The following NKAIN2 variants were observed in gnomAD, a reference collection of about 807,000 sequenced individuals.
NKAIN2 encodes the protein sodium/potassium-transporting ATPase subunit beta-1-interacting protein 2.
NKAIN2 carries 14 observed loss-of-function variants against 32.6 expected under a neutral mutation model. The observed-to-expected ratio is 0.43, with a 90% confidence interval of 0.28 to 0.67. NKAIN2 has a LOEUF of 0.67. NKAIN2 is among the 30% of genes least tolerant of loss of function. The pLI, the probability that NKAIN2 is intolerant of heterozygous loss-of-function variation, is 0.17. For synonymous variants in NKAIN2, 80 were observed against 87.2 expected, an observed-to-expected ratio of 0.92 and a Z score of 0.46; for missense variants, 198 against 258.3, an observed-to-expected ratio of 0.77 and a Z score of 1.60.
At chr6:124,039,989 C>A (rs1303129512) in intron 1 of NKAIN2, among the ~76,000 whole-genome samples, 1 of 151,946 alleles carries the variant, frequency 6.6e-6, no homozygotes, top group Non-Finnish European at 1.5e-5. Flanking sequence ...CCACCCTCAA[C>A]ACTTAACACA....
chr6:124,616,437 CTTTTTTTTTTTTTTTTTTTTTTTTTTTT>C (rs79406895), intron 3 of NKAIN2, among the ~76,000 whole-genome samples: 16 of 70,460 alleles, frequency 2.3e-4, no homozygotes, highest in African/African-American at 1.1e-3. Context: ...TCTTTTCTTT[CTTTTTTTTTTTTTTTTTTTTTTTTTTTT>C]TTTTTTTTTT....
intron 3 of NKAIN2, among the ~76,000 whole-genome samples, chr6:124,599,224 GA>G (rs1317933097): frequency 6.7e-6 from 1 of 149,954 alleles, no homozygotes; most frequent in East Asian, 1.9e-4. Flanking sequence ...TTTCAATGTA[GA>G]TAATACTGAA....
At chr6:124,692,363 T>C (rs1774297042) in intron 4 of NKAIN2, among the ~76,000 whole-genome samples, 1 of 152,180 alleles carries the variant, frequency 6.6e-6, no homozygotes, top group Non-Finnish European at 1.5e-5. Flanking sequence ...AAAAACACTA[T>C]TTCTCACCCT....
intron 3 of NKAIN2, among the ~76,000 whole-genome samples, chr6:124,546,831 G>A (rs570253149): frequency 2.5e-4 from 38 of 152,096 alleles, no homozygotes; most frequent in Non-Finnish European, 4.6e-4. Context: ...AAGTGATAGT[G>A]AATAGGAGAA....
chr6:123,896,447 G>A (rs543624958), intron 1 of NKAIN2, among the ~76,000 whole-genome samples: 59 of 152,178 alleles, frequency 3.9e-4, no homozygotes, highest in Middle Eastern at 3.4e-3. Flanking sequence ...AAATGAGATA[G>A]CCTTAGGTAG....
At chr6:124,557,708 C>G (rs558258709) in intron 3 of NKAIN2, among the ~76,000 whole-genome samples, 2 of 152,280 alleles carry the variant, frequency 1.3e-5, no homozygotes, top group South Asian at 4.1e-4. Flanking sequence ...TGAGGTCAGA[C>G]AGAAAGCATA....
At chr6:124,488,529 C>T (rs1404706292) in intron 3 of NKAIN2, among the ~76,000 whole-genome samples, 1 of 152,022 alleles carries the variant, frequency 6.6e-6, no homozygotes, top group Admixed American at 6.6e-5. Flanking sequence ...TCACAAATCC[C>T]TTGCCTTATC....
At chr6:124,249,426 T>C (rs1264880453) in intron 1 of NKAIN2, among the ~76,000 whole-genome samples, 1 of 152,064 alleles carries the variant, frequency 6.6e-6, no homozygotes, top group African/African-American at 2.4e-5. Context: ...ATGAATCACA[T>C]TGAATTAAAT....
intron 1 of NKAIN2, among the ~76,000 whole-genome samples, chr6:123,867,891 C>T (rs1263964151): frequency 2.2e-5 from 3 of 134,972 alleles, no homozygotes; most frequent in African/African-American, 8.4e-5. Flanking sequence ...TTGTTTCAGA[C>T]AGAGTCTTGC....
intron 1 of NKAIN2, among the ~76,000 whole-genome samples, chr6:124,146,333 T>C (rs1322937110): frequency 1.3e-5 from 2 of 152,240 alleles, no homozygotes; most frequent in Non-Finnish European, 1.5e-5. Context: ...AACTTAGTCA[T>C]TAAGTAAATT....
intron 1 of NKAIN2, among the ~76,000 whole-genome samples, chr6:124,229,944 G>A (rs1185038860): frequency 6.6e-6 from 1 of 152,144 alleles, no homozygotes; most frequent in African/African-American, 2.4e-5. Context: ...TTGCTGAAAA[G>A]ATATCCAAAA....
At chr6:124,539,046 G>A (rs889742984) in intron 3 of NKAIN2, among the ~76,000 whole-genome samples, 1 of 152,002 alleles carries the variant, frequency 6.6e-6, no homozygotes, top group South Asian at 2.1e-4. Flanking sequence ...AATTTCATTT[G>A]AAATGAATGG....
intron 1 of NKAIN2, among the ~76,000 whole-genome samples, chr6:124,080,481 T>C (rs1783908727): frequency 6.6e-6 from 1 of 152,136 alleles, no homozygotes. Context: ...TACTAATTCT[T>C]GCTTGTGTGT....
chr6:124,029,766 C>G (rs571360251), intron 1 of NKAIN2, among the ~76,000 whole-genome samples: 1 of 152,064 alleles, frequency 6.6e-6, no homozygotes, highest in African/African-American at 2.4e-5. Flanking sequence ...GGTAGGAGAC[C>G]GAGCGAAGCT....
chr6:124,380,509 G>T (rs1262725289), intron 3 of NKAIN2, among the ~76,000 whole-genome samples: 7 of 152,104 alleles, frequency 4.6e-5, no homozygotes, highest in Non-Finnish European at 2.9e-5. Flanking sequence ...CCTTCAACTG[G>T]CTGGATGTAG....
At chr6:124,420,662 GA>G (rs1774705198) in intron 3 of NKAIN2, among the ~76,000 whole-genome samples, 1 of 152,050 alleles carries the variant, frequency 6.6e-6, no homozygotes, top group Admixed American at 6.6e-5. Context: ...CATTATCCCA[GA>G]TTGTTTGAGA....
chr6:124,489,666 G>A (rs546615781), intron 3 of NKAIN2, among the ~76,000 whole-genome samples: 18 of 151,664 alleles, frequency 1.2e-4, no homozygotes, highest in African/African-American at 4.3e-4. Context: ...TGGTTGTATG[G>A]GTACTCAAAG....
chr6:124,197,536 A>G (rs768098279), intron 1 of NKAIN2, among the ~76,000 whole-genome samples: 6 of 152,194 alleles, frequency 3.9e-5, no homozygotes, highest in East Asian at 1.9e-4. Flanking sequence ...GAAGCTTTCT[A>G]TACCCTAAGT....
At chr6:124,441,149 C>T (rs916524727) in intron 3 of NKAIN2, among the ~76,000 whole-genome samples, 1 of 152,066 alleles carries the variant, frequency 6.6e-6, no homozygotes, top group African/African-American at 2.4e-5. Flanking sequence ...TCACACACTT[C>T]TACCCCTCTT....
Sources: allele counts gnomAD v4.1 joint callset (sites outside exome capture counted in the v4.1 genomes callset), GRCh38; gene constraint gnomAD v4.1.1; transcripts MANE v1.5; gene names NCBI Gene and HGNC (gene_info 2026-07-23, HGNC 2026-07-21).